STK33: variants seen among roughly 807,000 people sequenced by gnomAD.
The protein encoded by STK33 is serine/threonine-protein kinase 33.
STK33 carries 52 observed loss-of-function variants against 58.0 expected under a neutral mutation model. That is an observed-to-expected ratio of 0.90 (90% CI 0.72 to 1.13). The LOEUF (loss-of-function observed/expected upper bound fraction) is 1.13. STK33 is among the 50% of genes most tolerant of loss of function. STK33 has a pLI of 0.00. For synonymous variants in STK33, 215 were observed against 200.1 expected, an observed-to-expected ratio of 1.07 and a Z score of -0.63; for missense variants, 630 against 604.2, an observed-to-expected ratio of 1.04 and a Z score of -0.45.
Position 8,464,824 on chromosome 11 carries a change from T to G in STK33, c.340-2A>C. 1.3e-6 allele frequency: 2 copies of G among 1,537,400 alleles called. No individual in the cohort carries two copies. The highest frequency in any genetic ancestry group is 8.9e-7 in the Non-Finnish European group (1 of 1,125,698). On this transcript the variant is annotated splice_acceptor_variant, in intron 6 of 15. Coordinates refer to ENST00000687296, the MANE Select transcript of STK33 (RefSeq NM_001352389.2). LOFTEE classifies it high-confidence loss of function. ...TATTCTTCCAAAGGTATAGATTTCC[T>G]GGAGAAAAAAAAAAAAAGAGTTGTC...
the STK33 span, among the ~76,000 whole-genome samples, chr11:8,336,589 G>A: frequency 1.3e-5 from 2 of 152,214 alleles, no homozygotes; most frequent in Non-Finnish European, 1.5e-5. Context: ...GCACAAAGTG[G>A]GTGGCCCAGC....
intron 15 of STK33, among the ~76,000 whole-genome samples, chr11:8,409,527 C>T (rs1275012189): frequency 6.6e-6 from 1 of 152,098 alleles, no homozygotes; most frequent in East Asian, 1.9e-4. Flanking sequence ...TATGCATGTA[C>T]AAATTATTTA....
intron 1 of STK33, among the ~76,000 whole-genome samples, chr11:8,577,988 A>C (rs1958304992): frequency 6.6e-6 from 1 of 152,110 alleles, no homozygotes; most frequent in South Asian, 2.1e-4. Flanking sequence ...TTTTTTCTTT[A>C]GGAATGAAAG....
At chr11:8,509,071 G>A (rs1239395290) in intron 1 of STK33, among the ~76,000 whole-genome samples, 15 of 144,628 alleles carry the variant, frequency 1.0e-4, no homozygotes, top group Non-Finnish European at 1.6e-4. Context: ...AGCCAAGGTC[G>A]TGCCATTGCA....
chr11:8,408,798 A>T (rs1939706308), intron 15 of STK33, among the ~76,000 whole-genome samples: 1 of 152,208 alleles, frequency 6.6e-6, no homozygotes, highest in Non-Finnish European at 1.5e-5. Flanking sequence ...CTTCAGGCTA[A>T]ATCCAAGAGA....
Position 8,521,355 on chromosome 11 carries a change from T to G in STK33, c.-465-40741A>C, listed in dbSNP as rs531297479. Among the ~76,000 whole-genome samples, 487 of 152,176 alleles carry G rather than the reference T, an allele frequency of 3.2e-3. 7 individuals carry two copies. The highest frequency in any genetic ancestry group is 0.029 in the South Asian group (141 of 4,822). On this transcript the variant is annotated intron_variant, in intron 1 of 15. Transcript: ENST00000687296. Reference sequence around the variant, plus strand: ...CAACCATCTGATCTTTGACAAACCTTACACAAACAAGAAATGGGGAAAGGA... The same window carrying G: ...CAACCATCTGATCTTTGACAAACCTGACACAAACAAGAAATGGGGAAAGGA...
chr11:8,516,712 C>T (rs1329382242), intron 1 of STK33, among the ~76,000 whole-genome samples: 1 of 152,232 alleles, frequency 6.6e-6, no homozygotes, highest in Non-Finnish European at 1.5e-5. Flanking sequence ...GCGGGTCTCA[C>T]ACCCACGAAG....
chr11:8,422,741 T>C (rs1434181425), intron 14 of STK33, among the ~76,000 whole-genome samples: 1 of 152,126 alleles, frequency 6.6e-6, no homozygotes, highest in Non-Finnish European at 1.5e-5. Flanking sequence ...CCTAGTAGTA[T>C]TACCTAGTAG....
downstream of STK33, among the ~76,000 whole-genome samples, chr11:8,388,870 A>G (rs541975626): frequency 6.9e-4 from 105 of 152,274 alleles, no homozygotes; most frequent in African/African-American, 2.4e-3. Context: ...CAACCTCAGG[A>G]ACATCTCCCC....
intron 6 of STK33, chr11:8,466,569 C>T (rs971471000): frequency 2.6e-5 from 4 of 152,236 alleles, no homozygotes; most frequent in African/African-American, 9.7e-5. Context: ...AAGGTACAGC[C>T]TCCCTCCTGG....
At chr11:8,503,765 AG>A (rs1362811504) in intron 1 of STK33, among the ~76,000 whole-genome samples, 1 of 152,030 alleles carries the variant, frequency 6.6e-6, no homozygotes, top group Non-Finnish European at 1.5e-5. Flanking sequence ...CATTTCTCCC[AG>A]TCTACACCTT....
At chr11:8,359,361 C>T in the STK33 span, among the ~76,000 whole-genome samples, 2 of 152,198 alleles carry the variant, frequency 1.3e-5, no homozygotes, top group Non-Finnish European at 2.9e-5. Flanking sequence ...ACGTCATCAC[C>T]CTGTGTTTTC....
intron 14 of STK33, among the ~76,000 whole-genome samples, chr11:8,429,591 C>G (rs749410378): frequency 6.6e-6 from 1 of 152,188 alleles, no homozygotes; most frequent in African/African-American, 2.4e-5. Context: ...TTATCTTACC[C>G]CAGTCCTACT....
intron 6 of STK33, chr11:8,465,719 T>C (rs1948100429): frequency 6.6e-6 from 1 of 152,532 alleles, no homozygotes; most frequent in Non-Finnish European, 1.5e-5. Context: ...AAGCCTTCCA[T>C]AGAAATGCCA....
Position 8,452,922 on chromosome 11 carries a change from C to G in STK33, c.787-16G>C. The G allele has an allele frequency of 6.2e-7, 1 of 1,608,222 alleles. No individual in the cohort carries two copies. The highest frequency in any genetic ancestry group is 1.1e-5 in the South Asian group (1 of 90,880). ...AATCAGTCACCTGGGAGAAGAAATT[C>G]AAGCACAGTCACCTGTTTTCCTGTC... On this transcript the variant is annotated splice_polypyrimidine_tract_variant and intron_variant, in intron 10 of 15. Transcript: ENST00000687296.
At chr11:8,458,718 G>A (rs1168216064) in intron 8 of STK33, among the ~76,000 whole-genome samples, 1 of 152,144 alleles carries the variant, frequency 6.6e-6, no homozygotes, top group African/African-American at 2.4e-5. Flanking sequence ...AAGATTCACA[G>A]TCAACTAAAA....
At chr11:8,535,743 C>A (rs1479723496) in intron 1 of STK33, among the ~76,000 whole-genome samples, 1 of 152,044 alleles carries the variant, frequency 6.6e-6, no homozygotes, top group East Asian at 1.9e-4. Flanking sequence ...TCAGTATCTA[C>A]CCAAAGGAAA....
At chr11:8,488,914 T>C (rs1950373884) in intron 1 of STK33, among the ~76,000 whole-genome samples, 1 of 152,178 alleles carries the variant, frequency 6.6e-6, no homozygotes, top group African/African-American at 2.4e-5. Context: ...ACAAAGACTT[T>C]AAATGAACCG....
intron 15 of STK33, among the ~76,000 whole-genome samples, chr11:8,403,630 T>C (rs548772532): frequency 1.3e-5 from 2 of 152,300 alleles, no homozygotes; most frequent in African/African-American, 2.4e-5. Flanking sequence ...GTCAGTTCTA[T>C]TGGAGGCAGA....
Sources: allele counts gnomAD v4.1 joint callset (sites outside exome capture counted in the v4.1 genomes callset), GRCh38; gene constraint gnomAD v4.1.1; transcripts MANE v1.5; gene names NCBI Gene and HGNC (gene_info 2026-07-23, HGNC 2026-07-21).